Variants in ESRRB observed in about 807,000 individuals in gnomAD.
ESRRB encodes the protein estrogen related receptor beta.
In ESRRB, 16 loss-of-function variants were observed where a neutral mutation model predicts 46.0. The ratio of observed to expected loss-of-function variants is 0.35; its 90% CI spans 0.24 to 0.53. The LOEUF is 0.53. Among genes scored for constraint, ESRRB ranks in the 20% least tolerant of loss-of-function variants. The pLI is 0.93. For synonymous variants in ESRRB, 246 were observed against 259.6 expected, an observed-to-expected ratio of 0.95 and a Z score of 0.50; for missense variants, 488 against 607.4, an observed-to-expected ratio of 0.80 and a Z score of 2.07.
intron 1 of ESRRB, among the ~76,000 whole-genome samples, chr14:76,422,238 G>A (rs1412151968): frequency 2.3e-5 from 3 of 129,158 alleles, no homozygotes; most frequent in Non-Finnish European, 4.7e-5. Flanking sequence ...TTGAGATGGA[G>A]TCTCACTCTG....
At chr14:76,378,673 G>A (rs998549173) in intron 1 of ESRRB, among the ~76,000 whole-genome samples, 50 of 152,266 alleles carry the variant, frequency 3.3e-4, no homozygotes, top group African/African-American at 1.1e-3. Context: ...TATATGTGCC[G>A]CCTAGGGAGG....
At chr14:76,327,966 G>A (rs765066038) in intron 1 of ESRRB, among the ~76,000 whole-genome samples, 3 of 151,810 alleles carry the variant, frequency 2.0e-5, no homozygotes, top group Admixed American at 6.6e-5. Context: ...CACCCACCTC[G>A]GCCTCCCAAA....
upstream of ESRRB, among the ~76,000 whole-genome samples, chr14:76,370,172 G>A (rs1322516331): frequency 6.6e-6 from 1 of 151,590 alleles, no homozygotes; most frequent in East Asian, 1.9e-4. Context: ...TGGATTACCT[G>A]AGGTCAGGAG....
At chr14:76,397,325 AC>A (rs1885732121) in intron 1 of ESRRB, among the ~76,000 whole-genome samples, 1 of 152,140 alleles carries the variant, frequency 6.6e-6, no homozygotes, top group Non-Finnish European at 1.5e-5. Flanking sequence ...ACCCCAGTCA[AC>A]GGCACCCAGC....
intron 1 of ESRRB, among the ~76,000 whole-genome samples, chr14:76,313,301 G>A (rs1324577897): frequency 1.5e-5 from 2 of 130,512 alleles, no homozygotes; most frequent in Non-Finnish European, 3.4e-5. Flanking sequence ...TGTGGTTTGA[G>A]CTCCCATCAA....
chr14:76,476,087 T>A (rs1425008861), intron 3 of ESRRB, among the ~76,000 whole-genome samples: 1 of 148,550 alleles, frequency 6.7e-6, no homozygotes, highest in South Asian at 2.1e-4. Context: ...TTTTATTAAT[T>A]TTTTTTTTAG....
chr14:76,458,191 C>T (rs553888098), intron 2 of ESRRB, among the ~76,000 whole-genome samples: 46 of 152,202 alleles, frequency 3.0e-4, no homozygotes, highest in African/African-American at 1.1e-3. Context: ...ACTGCCACAC[C>T]TCAGCTGCAC....
chr14:76,430,379 A>G (rs1463525239), intron 1 of ESRRB, among the ~76,000 whole-genome samples: 2 of 152,108 alleles, frequency 1.3e-5, no homozygotes, highest in African/African-American at 4.8e-5. Flanking sequence ...TTCCCATGTC[A>G]GTTTTGTTTA....
rs532438391 is a variant in ESRRB at position 76,311,990 on chromosome 14, A to T, written c.2+1074A>T. 1.2e-4 allele frequency among the ~76,000 whole-genome samples: 16 copies of T among 136,456 alleles called. No homozygotes were observed. In the East Asian group the frequency reaches 3.7e-3, roughly 32 times the overall value. 89.5% of individuals were successfully genotyped at this position (136,456 alleles called of 152,430 possible). A position where few individuals can be genotyped will look rare whatever the true frequency, so the allele number is the denominator to read the frequency against. ...CTACATTTTGAAAAAAAAAAAAAAA[A>T]AAGTAATGATGCCTAATTTATACTT... On this transcript the variant is annotated intron_variant, in intron 1 of 6. Coordinates refer to the ESRRB transcript ENST00000512784.
At chr14:76,374,285 C>T (rs1385805204), upstream of ESRRB, among the ~76,000 whole-genome samples, 1 of 152,180 alleles carries the variant, frequency 6.6e-6, no homozygotes, top group African/African-American at 2.4e-5. Context: ...AGGGAATTAT[C>T]ACTCATGCCA....
At chr14:76,448,807 G>A (rs1218347600) in intron 2 of ESRRB, among the ~76,000 whole-genome samples, 1 of 152,084 alleles carries the variant, frequency 6.6e-6, no homozygotes, top group African/African-American at 2.4e-5. Context: ...AACTTTAAGG[G>A]ATCTAGGTAA....
intron 1 of ESRRB, among the ~76,000 whole-genome samples, chr14:76,321,878 C>T (rs962689446): frequency 2.0e-4 from 24 of 121,784 alleles, no homozygotes; most frequent in Non-Finnish European, 3.7e-4. Flanking sequence ...AAGAGCGGGA[C>T]TCCGTCTCAA....
intron 1 of ESRRB, among the ~76,000 whole-genome samples, chr14:76,319,141 A>G (rs1883837943): frequency 6.6e-6 from 1 of 152,230 alleles, no homozygotes; most frequent in African/African-American, 2.4e-5. Context: ...GTGGGATGCC[A>G]TTTAACATGG....
intron 1 of ESRRB, among the ~76,000 whole-genome samples, chr14:76,329,834 T>C (rs1285967148): frequency 6.6e-6 from 1 of 152,122 alleles, no homozygotes. Context: ...CCCAAAAGCC[T>C]GTCTTTACGA....
At chr14:76,419,381 G>A (rs541638647) in intron 1 of ESRRB, among the ~76,000 whole-genome samples, 2 of 152,304 alleles carry the variant, frequency 1.3e-5, no homozygotes, top group Admixed American at 1.3e-4. Context: ...CACGGTGCTG[G>A]GTTCAGTCCT....
At chr14:76,362,189 G>A (rs1219397151) in intron 1 of ESRRB, among the ~76,000 whole-genome samples, 3 of 152,304 alleles carry the variant, frequency 2.0e-5, no homozygotes, top group South Asian at 2.1e-4. Flanking sequence ...TGCTAGGCAC[G>A]GTGCAAAGTG....
intron 1 of ESRRB, among the ~76,000 whole-genome samples, chr14:76,356,910 G>C (rs2139766776): frequency 6.6e-6 from 1 of 152,316 alleles, no homozygotes; most frequent in East Asian, 1.9e-4. Flanking sequence ...CTCCTGAGGA[G>C]GGAAAGGGGC....
At chr14:76,397,937 T>C (rs1885766713) in intron 1 of ESRRB, among the ~76,000 whole-genome samples, 1 of 152,254 alleles carries the variant, frequency 6.6e-6, no homozygotes, top group Non-Finnish European at 1.5e-5. Flanking sequence ...GGGCTTGCAC[T>C]ATCTGTTGCA....
chr14:76,499,466 CTGAGA>C lies in ESRRB; in HGVS notation c.*1010_*1014del, dbSNP rs1890576596. The C allele has an allele frequency of 2.8e-6, 1 of 352,882 alleles. No homozygotes were observed. The highest frequency in any genetic ancestry group is 2.1e-5 in the African/African-American group (1 of 47,106). 21.9% of individuals were successfully genotyped at this position (352,882 alleles called of 1,614,324 possible). A position where few individuals can be genotyped will look rare whatever the true frequency, so the allele number is the denominator to read the frequency against. On this transcript the variant is annotated 3_prime_UTR_variant, in exon 7 of 7. Coordinates refer to ENST00000644823, the MANE Select transcript of ESRRB (RefSeq NM_001379180.1). ...TGCCAAGCACAGAAAGGCCGAGCAG[CTGAGA>C]TAAGTAGGCAGGGGAGCCCCAAAGG...
Sources: allele counts gnomAD v4.1 joint callset (sites outside exome capture counted in the v4.1 genomes callset), GRCh38; gene constraint gnomAD v4.1.1; transcripts MANE v1.5; gene names NCBI Gene and HGNC (gene_info 2026-07-23, HGNC 2026-07-21).